Variants in RC3H2 observed in about 807,000 individuals in gnomAD.
The protein encoded by RC3H2 is roquin-2.
A neutral mutation model predicts 133.3 loss-of-function variants in RC3H2; 31 were observed. That is an observed-to-expected ratio of 0.23 (90% CI 0.17 to 0.31). The LOEUF is 0.31. RC3H2 is among the 10% of genes least tolerant of loss of function. RC3H2 has a pLI of 1.00. For missense variants in RC3H2, 1,175 were observed against 1,437.2 expected (o/e 0.82, Z 2.95); for synonymous variants, 517 against 502.2 (o/e 1.03, Z -0.40).
At chr9:122,868,622 T>C (rs1394517119) in intron 9 of RC3H2, among the ~76,000 whole-genome samples, 2 of 152,080 alleles carry the variant, frequency 1.3e-5, no homozygotes, top group African/African-American at 2.4e-5. Context: ...CGCAGGGTCC[T>C]CTGCCTAGGA....
intron 12 of RC3H2, 80 bp from the exon 13 acceptor site, chr9:122,858,173 G>A: frequency 7.6e-7 from 1 of 1,310,468 alleles, no homozygotes; most frequent in South Asian, 1.3e-5. Context: ...GATGTAAACA[G>A]TTTATGATAT....
At chr9:122,878,841 C>G (rs1026661079) in intron 8 of RC3H2, among the ~76,000 whole-genome samples, 6 of 151,614 alleles carry the variant, frequency 4.0e-5, no homozygotes, top group African/African-American at 7.3e-5. Context: ...CTCCATCTCC[C>G]GGGTTCAAGC....
intron 18 of RC3H2, among the ~76,000 whole-genome samples, chr9:122,852,339 G>C (rs1302558941): frequency 7.0e-6 from 1 of 143,474 alleles, no homozygotes; most frequent in Non-Finnish European, 1.6e-5. Flanking sequence ...CTCTCTGCCT[G>C]GCAGCCACCC....
chr9:122,890,431 G>A lies in RC3H2; in HGVS notation c.464C>T (p.Ala155Val). 6.2e-7 allele frequency: 1 copy of A among 1,614,166 alleles called. No individual in the cohort carries two copies. The highest frequency in any genetic ancestry group is 1.6e-4 in the Middle Eastern group (1 of 6,062). The change falls in exon 4 of 21, where the codon GCT (alanine) becomes GTT (valine). Residue 155 changes from alanine (A) to valine (V), a missense_variant. Transcript: ENST00000357244. ...EEGRVRAMRA[A>V]RSLGERTVTE... is the part of the protein sequence containing the mutation. Reference sequence around the variant, plus strand: ...TACAGTTCTTTCTCCAAGGGAACGAGCTGCTCGCATGGCTCTTACACGACC... The same window carrying A: ...TACAGTTCTTTCTCCAAGGGAACGAACTGCTCGCATGGCTCTTACACGACC...
intron 9 of RC3H2, among the ~76,000 whole-genome samples, chr9:122,869,795 C>A (rs1035248735): frequency 6.6e-5 from 10 of 152,058 alleles, no homozygotes; most frequent in African/African-American, 2.4e-4. Flanking sequence ...TTCTCAAACT[C>A]CTGACCTCAA....
intron 20 of RC3H2, among the ~76,000 whole-genome samples, chr9:122,850,659 C>T (rs780555331): frequency 3.3e-5 from 5 of 151,430 alleles, no homozygotes; most frequent in Non-Finnish European, 7.4e-5. Context: ...GGCCAGGCTG[C>T]TCTTGAACTC....
At chr9:122,888,464 C>A (rs1832026530) in intron 4 of RC3H2, among the ~76,000 whole-genome samples, 2 of 152,162 alleles carry the variant, frequency 1.3e-5, no homozygotes, top group South Asian at 4.1e-4. Context: ...ATTCCTCGTT[C>A]TTCTACATAC....
intron 2 of RC3H2, among the ~76,000 whole-genome samples, chr9:122,894,060 C>T (rs973889657): frequency 6.6e-6 from 1 of 152,056 alleles, no homozygotes; most frequent in African/African-American, 2.4e-5. Context: ...GAGATCGAGA[C>T]CATCCTGGCT....
At chr9:122,860,405 CTTTTTT>C (rs3049159) in intron 10 of RC3H2, among the ~76,000 whole-genome samples, 3 of 99,992 alleles carry the variant, frequency 3.0e-5, no homozygotes, top group Non-Finnish European at 4.1e-5. Flanking sequence ...TTTACCCATT[CTTTTTT>C]TTTTTTTTTT....
At chr9:122,893,599 C>T (rs1352256979) in intron 2 of RC3H2, among the ~76,000 whole-genome samples, 2 of 152,028 alleles carry the variant, frequency 1.3e-5, no homozygotes, top group African/African-American at 2.4e-5. Context: ...AGTATTGTAT[C>T]GATGCTAATT....
chr9:122,905,226 C>T lies in RC3H2; in HGVS notation c.-184G>A, dbSNP rs1195159763. ...CAGAGCTCGGCGGAGGTTTCACGAC[C>T]TCAAACTCCATCGGGAGCTACAGGG... On this transcript the variant is annotated 5_prime_UTR_variant, in exon 1 of 21. Transcript: ENST00000357244. The T allele has an allele frequency of 1.0e-6, 1 of 985,430 alleles. No individual in the cohort carries two copies. The highest frequency in any genetic ancestry group is 6.1e-5 in the Admixed American group (1 of 16,276). 61.0% of individuals were successfully genotyped at this position (985,430 alleles called of 1,614,324 possible). A position where few individuals can be genotyped will look rare whatever the true frequency, so the allele number is the denominator to read the frequency against.
chr9:122,875,258 A>C, intron 9 of RC3H2: 16 of 1,551,168 alleles, frequency 1.0e-5, no homozygotes, highest in Non-Finnish European at 1.4e-5. Context: ...ACACACACTT[A>C]TCTTCTCTCT....
intron 1 of RC3H2, among the ~76,000 whole-genome samples, chr9:122,904,707 T>C (rs1380628486): frequency 6.6e-6 from 1 of 152,052 alleles, no homozygotes; most frequent in Non-Finnish European, 1.5e-5. Context: ...TACGCTAGGG[T>C]CTCGGGAAGC....
In RC3H2 at chr9:122,857,563, C is replaced by T. The variant is rs117385878; in HGVS notation, c.2454+360G>A. 9.3e-3 allele frequency among the ~76,000 whole-genome samples: 1,411 copies of T among 152,238 alleles called. 6 individuals are homozygous for T. Among genetic ancestry groups the T allele is most frequent in the Non-Finnish European group, 0.014 (978 of 68,012 alleles). ...TGTAAAATATGGAAAATACCTGCCC[C>T]CTAAGGTTTTTGTGAGAATTAAATA... is the stretch of plus-strand genomic sequence containing the variant. On this transcript the variant is annotated intron_variant, in intron 13 of 20. Coordinates refer to ENST00000357244, the MANE Select transcript of RC3H2 (RefSeq NM_001100588.3).
At position 122,858,884 on chromosome 9, in the gene RC3H2, T is replaced by C. The variant is rs1269338784; in HGVS notation, c.2068A>G (p.Met690Val). 1.2e-6 allele frequency: 2 copies of C among 1,614,146 alleles called. No individual in the cohort carries two copies. The highest frequency in any genetic ancestry group is 1.7e-6 in the Non-Finnish European group (2 of 1,180,048). ...CTGCTGTCGTACACAGGAGCATACA[T>C]TCCAGAAGGTACTGGAGGAACTGGT... ...YGPVPPVPSG[M>V]YAPVYDSRRI... Residue 690 changes from methionine (M) to valine (V), a missense_variant, in exon 12 of 21, where the codon ATG becomes GTG. Met to Val is a conservative substitution (Grantham distance 21). Coordinates refer to ENST00000357244, the MANE Select transcript of RC3H2 (RefSeq NM_001100588.3).
rs1217066594 is a variant in RC3H2, at chr9:122,848,591, T to C, written c.*1036A>G. 1 of 152,146 alleles carries C rather than the reference T, an allele frequency of 6.6e-6. No individual in the cohort carries two copies. The highest frequency in any genetic ancestry group is 1.9e-4 in the East Asian group (1 of 5,206). The allele number at this position is 152,146 out of a possible 1,614,324, so 9.4% of individuals were successfully genotyped here. A position where few individuals can be genotyped will look rare whatever the true frequency, so the allele number is the denominator to read the frequency against. ...AAACAAGAAAAACTAAACCCCAACATGAAGTAACAATAAACAATATTTAAC... is the reference window on the plus strand; with the variant it reads ...AAACAAGAAAAACTAAACCCCAACACGAAGTAACAATAAACAATATTTAAC... On this transcript the variant is annotated 3_prime_UTR_variant, in exon 21 of 21. Coordinates refer to ENST00000357244, the MANE Select transcript of RC3H2 (RefSeq NM_001100588.3).
At chr9:122,882,115 T>C (rs1831671468) in intron 5 of RC3H2, among the ~76,000 whole-genome samples, 1 of 152,018 alleles carries the variant, frequency 6.6e-6, no homozygotes, top group Non-Finnish European at 1.5e-5. Flanking sequence ...AAAGAAGAAA[T>C]GTTCTGCTAC....
rs138309076 is a variant in RC3H2 at position 122,899,604 on chromosome 9, C to G, written c.-67-2028G>C. On this transcript the variant is annotated intron_variant, in intron 1 of 20. Transcript: ENST00000357244. ...TACCACATCTATTAATGCCATCAAT[C>G]TAAAAACCAATTAGTTTCCTTCCAA... Among the ~76,000 whole-genome samples the G allele has an allele frequency of 5.3e-5, 8 of 152,306 alleles. No individual in the cohort carries two copies. In the East Asian group the frequency reaches 1.5e-3, roughly 29 times the overall value.
chr9:122,850,101 C>A (rs766130123), intron 20 of RC3H2, among the ~76,000 whole-genome samples: 16 of 152,054 alleles, frequency 1.1e-4, no homozygotes, highest in Non-Finnish European at 1.6e-4. Context: ...CTCAGCCTCC[C>A]AAGTAGCTGG....
Sources: allele counts gnomAD v4.1 joint callset (sites outside exome capture counted in the v4.1 genomes callset), GRCh38; gene constraint gnomAD v4.1.1; transcripts MANE v1.5; gene names NCBI Gene and HGNC (gene_info 2026-07-23, HGNC 2026-07-21).